The following PLEKHG1 variants were observed in gnomAD, a reference collection of about 807,000 sequenced individuals.
PLEKHG1 encodes the protein pleckstrin homology and RhoGEF domain containing G1.
Under a neutral mutation model 100.8 loss-of-function variants are expected in PLEKHG1, and 44 were observed. The ratio of observed to expected loss-of-function variants is 0.44; its 90% CI spans 0.34 to 0.56. The LOEUF (loss-of-function observed/expected upper bound fraction) is 0.56. PLEKHG1 is among the 20% of genes least tolerant of loss of function. PLEKHG1 has a pLI of 0.01. For missense variants in PLEKHG1, 1,545 were observed against 1,720.9 expected (o/e 0.90, Z 1.81); for synonymous variants, 640 against 662.5 (o/e 0.97, Z 0.52).
At chr6:150,713,594 G>T (rs9371194) in intron 3 of PLEKHG1, among the ~76,000 whole-genome samples, 65,267 of 151,922 alleles carry the variant, frequency 0.43, 14,413 homozygotes, top group Middle Eastern at 0.53. Flanking sequence ...CCCCAAGGAT[G>T]GTAATTGCTG....
chr6:150,758,241 T>C (rs1056399848), intron 2 of PLEKHG1, among the ~76,000 whole-genome samples: 3 of 152,208 alleles, frequency 2.0e-5, no homozygotes, highest in Non-Finnish European at 2.9e-5. Flanking sequence ...CTCTAGATCT[T>C]TGAGGAATCA....
chr6:150,815,485 A>G, intron 10 of PLEKHG1, among the ~76,000 whole-genome samples: 1 of 152,270 alleles, frequency 6.6e-6, no homozygotes, highest in East Asian at 1.9e-4. Flanking sequence ...AATTGAAAAT[A>G]AAGGTGAAGG....
intron 3 of PLEKHG1, among the ~76,000 whole-genome samples, chr6:150,716,084 G>T (rs1159293015): frequency 4.3e-5 from 6 of 139,446 alleles, no homozygotes; most frequent in East Asian, 2.1e-4. Flanking sequence ...CTCCAGCCTG[G>T]GCGACAGAGC....
chr6:150,686,157 C>A (rs927090094), intron 3 of PLEKHG1, among the ~76,000 whole-genome samples: 1 of 152,224 alleles, frequency 6.6e-6, no homozygotes, highest in African/African-American at 2.4e-5. Flanking sequence ...ACCAGCTGGT[C>A]AGGATGAGGC....
intron 2 of PLEKHG1, among the ~76,000 whole-genome samples, chr6:150,739,372 A>G (rs1782730668): frequency 6.6e-6 from 1 of 152,176 alleles, no homozygotes; most frequent in South Asian, 2.1e-4. Context: ...TTTAAAAAAA[A>G]AGCTAAGTAA....
At chr6:150,615,741 T>C (rs1420051916) in intron 1 of PLEKHG1, among the ~76,000 whole-genome samples, 3 of 151,928 alleles carry the variant, frequency 2.0e-5, no homozygotes, top group Non-Finnish European at 2.9e-5. Context: ...ACGAGGGCAA[T>C]GGAGAGGGGA....
At chr6:150,801,138 C>T (rs1786675362) in intron 6 of PLEKHG1, among the ~76,000 whole-genome samples, 1 of 152,196 alleles carries the variant, frequency 6.6e-6, no homozygotes, top group Non-Finnish European at 1.5e-5. Context: ...CTGACAGTTT[C>T]AGGCAGGGAG....
chr6:150,616,276 C>T (rs1479918792), intron 1 of PLEKHG1, among the ~76,000 whole-genome samples: 1 of 152,156 alleles, frequency 6.6e-6, no homozygotes, highest in Non-Finnish European at 1.5e-5. Context: ...CTGAGACATG[C>T]CATCTTTGTT....
At chr6:150,681,405 G>A (rs532634394) in intron 3 of PLEKHG1, among the ~76,000 whole-genome samples, 83 of 151,918 alleles carry the variant, frequency 5.5e-4, no homozygotes, top group African/African-American at 1.9e-3. Context: ...CCAGCTGCTC[G>A]GGAGGCTGAG....
intron 7 of PLEKHG1, among the ~76,000 whole-genome samples, chr6:150,807,026 T>A (rs1390176555): frequency 6.6e-6 from 1 of 152,126 alleles, no homozygotes; most frequent in Admixed American, 6.6e-5. Flanking sequence ...AGTAGCTGGC[T>A]TGGTTATCAG....
At chr6:150,634,908 A>T (rs1777927305) in intron 1 of PLEKHG1, among the ~76,000 whole-genome samples, 2 of 152,212 alleles carry the variant, frequency 1.3e-5, no homozygotes, top group South Asian at 4.1e-4. Context: ...AATTTACAGG[A>T]TGTTATTCTT....
chr6:150,636,534 C>T (rs1026403260), intron 1 of PLEKHG1, among the ~76,000 whole-genome samples: 2 of 151,158 alleles, frequency 1.3e-5, no homozygotes, highest in African/African-American at 4.9e-5. Context: ...TTTCTGTGAT[C>T]ATTCATCCTT....
At chr6:150,667,534 G>A (rs373398430) in intron 3 of PLEKHG1, among the ~76,000 whole-genome samples, 130 of 152,308 alleles carry the variant, frequency 8.5e-4, no homozygotes, top group African/African-American at 3.0e-3. Flanking sequence ...GTAGTCTGAA[G>A]TACAGAATCC....
At chr6:150,699,869 C>G (rs907456345) in intron 3 of PLEKHG1, among the ~76,000 whole-genome samples, 1 of 152,184 alleles carries the variant, frequency 6.6e-6, no homozygotes, top group Non-Finnish European at 1.5e-5. Context: ...ATTGTCTGAT[C>G]GTCCTTCCCT....
At chr6:150,843,162 G>C (rs1271529439) in exon 16 of PLEKHG1, 5 of 152,182 alleles carry the variant, frequency 3.3e-5, no homozygotes, top group African/African-American at 1.2e-4. Context: ...TGTTCTGTCT[G>C]ACTCTCAGAA....
intron 3 of PLEKHG1, among the ~76,000 whole-genome samples, chr6:150,672,536 A>G (rs1201645110): frequency 6.6e-6 from 1 of 152,260 alleles, no homozygotes; most frequent in Non-Finnish European, 1.5e-5. Context: ...CATTCTAAGT[A>G]TTAGCCTATA....
At chr6:150,741,958 C>CA (rs1187053761) in intron 2 of PLEKHG1, among the ~76,000 whole-genome samples, 2 of 152,178 alleles carry the variant, frequency 1.3e-5, no homozygotes, top group African/African-American at 4.8e-5. Flanking sequence ...TTGTGACGAC[C>CA]AAAAATGTCT....
intron 2 of PLEKHG1, chr6:150,638,181 A>C (rs985604064): frequency 6.6e-6 from 1 of 152,232 alleles, no homozygotes. Flanking sequence ...ATTTTCCAGC[A>C]TCAGAAGCAC....
At chr6:150,631,713 C>T (rs1478347325) in intron 1 of PLEKHG1, among the ~76,000 whole-genome samples, 3 of 152,154 alleles carry the variant, frequency 2.0e-5, no homozygotes, top group Non-Finnish European at 2.9e-5. Context: ...TGCTGGCAAC[C>T]GCTCCCCACC....
Sources: allele counts gnomAD v4.1 joint callset (sites outside exome capture counted in the v4.1 genomes callset), GRCh38; gene constraint gnomAD v4.1.1; transcripts MANE v1.5; gene names NCBI Gene and HGNC (gene_info 2026-07-23, HGNC 2026-07-21).